The following FGF12 variants were observed in gnomAD, a reference collection of about 807,000 sequenced individuals.
FGF12 encodes fibroblast growth factor 12B.
A neutral mutation model predicts 23.6 loss-of-function variants in FGF12; 14 were observed. The ratio of observed to expected loss-of-function variants is 0.59; its 90% CI spans 0.39 to 0.93. The LOEUF is 0.93. Ranked by LOEUF, FGF12 falls within the 40% of genes least tolerant of loss-of-function variation. The pLI is 0.00. For synonymous variants in FGF12, 62 were observed against 77.3 expected (o/e 0.80, Z 1.04); for missense variants, 175 against 217.8 (o/e 0.80, Z 1.24).
chr3:192,642,994 T>C (rs2108666724), intron 2 of FGF12, among the ~76,000 whole-genome samples: 1 of 152,336 alleles, frequency 6.6e-6, no homozygotes, highest in African/African-American at 2.4e-5. Flanking sequence ...AATTACGTTT[T>C]CTTACCAGCA....
intron 2 of FGF12, among the ~76,000 whole-genome samples, chr3:192,442,203 C>T (rs1413346951): frequency 6.6e-6 from 1 of 152,156 alleles, no homozygotes; most frequent in African/African-American, 2.4e-5. Flanking sequence ...GGGCAGGGAA[C>T]ACATGTCTCT....
At chr3:192,724,648 T>G (rs1409440856) in intron 2 of FGF12, among the ~76,000 whole-genome samples, 1 of 152,222 alleles carries the variant, frequency 6.6e-6, no homozygotes, top group African/African-American at 2.4e-5. Context: ...GATCATGAAT[T>G]GAACCTCAGG....
chr3:192,299,913 T>G (rs1560058766), intron 4 of FGF12, among the ~76,000 whole-genome samples: 1 of 152,204 alleles, frequency 6.6e-6, no homozygotes. Flanking sequence ...TATTAGATAT[T>G]TCCTCATTAG....
intron 4 of FGF12, among the ~76,000 whole-genome samples, chr3:192,190,163 T>C (rs1167375952): frequency 6.6e-6 from 1 of 152,196 alleles, no homozygotes; most frequent in Non-Finnish European, 1.5e-5. Context: ...ATATAACTTC[T>C]CTAGGATCAA....
intron 2 of FGF12, among the ~76,000 whole-genome samples, chr3:192,579,638 C>A (rs1201032142): frequency 6.6e-6 from 1 of 152,224 alleles, no homozygotes; most frequent in African/African-American, 2.4e-5. Context: ...ACTGCAACCA[C>A]TGCCTCCGGG....
intron 2 of FGF12, among the ~76,000 whole-genome samples, chr3:192,638,954 T>C (rs1560177651): frequency 6.6e-6 from 1 of 152,212 alleles, no homozygotes; most frequent in Non-Finnish European, 1.5e-5. Context: ...CACTTCTGGC[T>C]TTCCCTGCAT....
At chr3:192,513,832 C>T (rs988572056) in intron 2 of FGF12, among the ~76,000 whole-genome samples, 1 of 152,152 alleles carries the variant, frequency 6.6e-6, no homozygotes, top group Non-Finnish European at 1.5e-5. Context: ...ACTGAATTAG[C>T]CCTTGCAAGA....
intron 2 of FGF12, among the ~76,000 whole-genome samples, chr3:192,446,865 T>G (rs1722369408): frequency 6.6e-6 from 1 of 152,208 alleles, no homozygotes; most frequent in Non-Finnish European, 1.5e-5. Flanking sequence ...CAACAATTCC[T>G]CAGTCTTCCT....
chr3:192,427,465 C>T (rs1428641703), intron 2 of FGF12, among the ~76,000 whole-genome samples: 4 of 151,868 alleles, frequency 2.6e-5, no homozygotes, highest in Non-Finnish European at 1.5e-5. Flanking sequence ...CAAACATACT[C>T]TAGGTTCTCA....
At chr3:192,325,025 T>C (rs1303568291) in intron 4 of FGF12, among the ~76,000 whole-genome samples, 1 of 152,202 alleles carries the variant, frequency 6.6e-6, no homozygotes, top group Non-Finnish European at 1.5e-5. Context: ...CATTGTAAGT[T>C]AAAAATGGAT....
At chr3:192,418,422 G>A (rs550396986) in intron 2 of FGF12, among the ~76,000 whole-genome samples, 142 of 152,162 alleles carry the variant, frequency 9.3e-4, no homozygotes, top group Admixed American at 3.5e-3. Flanking sequence ...TCCTTACCAA[G>A]TCCTTATATA....
intron 2 of FGF12, among the ~76,000 whole-genome samples, chr3:192,434,991 G>C (rs1265566667): frequency 1.3e-5 from 2 of 152,126 alleles, no homozygotes; most frequent in Non-Finnish European, 2.9e-5. Context: ...TGAAGAAAAA[G>C]TCAGGAGAAC....
chr3:192,222,538 G>A (rs1357602288), intron 4 of FGF12, among the ~76,000 whole-genome samples: 5 of 152,118 alleles, frequency 3.3e-5, no homozygotes, highest in African/African-American at 7.2e-5. Context: ...CCTTGCTCTA[G>A]TGTGGTGTTC....
intron 4 of FGF12, among the ~76,000 whole-genome samples, chr3:192,217,190 A>G (rs960675971): frequency 6.6e-6 from 1 of 152,224 alleles, no homozygotes; most frequent in Non-Finnish European, 1.5e-5. Context: ...AAGAGGGATA[A>G]TGAAGGTACC....
intron 2 of FGF12, among the ~76,000 whole-genome samples, chr3:192,435,367 C>T (rs1412086314): frequency 1.3e-5 from 2 of 152,104 alleles, no homozygotes; most frequent in Non-Finnish European, 2.9e-5. Context: ...AAATTGAAAA[C>T]TACTTAAAAG....
chr3:192,344,325 C>G (rs1349607990), intron 3 of FGF12, among the ~76,000 whole-genome samples: 1 of 151,632 alleles, frequency 6.6e-6, no homozygotes, highest in Non-Finnish European at 1.5e-5. Context: ...GGTCATTATT[C>G]CATAGTTCAA....
chr3:192,668,576 A>G (rs918216587), intron 2 of FGF12, among the ~76,000 whole-genome samples: 1 of 152,128 alleles, frequency 6.6e-6, no homozygotes, highest in Admixed American at 6.5e-5. Flanking sequence ...CTGCTGGTAC[A>G]CAGGGTCTGC....
At chr3:192,666,944 T>C (rs1029819637) in intron 2 of FGF12, among the ~76,000 whole-genome samples, 1 of 151,862 alleles carries the variant, frequency 6.6e-6, no homozygotes, top group Non-Finnish European at 1.5e-5. Flanking sequence ...GATAGATAGA[T>C]AGATAGATAG....
chr3:192,393,625 A>G (rs1175833726), intron 2 of FGF12, among the ~76,000 whole-genome samples: 1 of 152,210 alleles, frequency 6.6e-6, no homozygotes, highest in Non-Finnish European at 1.5e-5. Context: ...AAATGGGAAA[A>G]AAAAGAAAAA....
Sources: gnomAD v4.1 joint callset for allele counts (sites outside exome capture counted in the v4.1 genomes callset) on GRCh38, gnomAD v4.1.1 for gene constraint, MANE v1.5 for transcripts, NCBI Gene and HGNC (gene_info 2026-07-23, HGNC 2026-07-21) for gene names.